The following BLTP3A variants were observed in gnomAD, a reference collection of about 807,000 sequenced individuals.
BLTP3A encodes the protein ICBP90 binding protein 1.
chr6:34,792,319 G>T, the BLTP3A span: 1 of 1,535,256 alleles, frequency 6.5e-7, no homozygotes, highest in Non-Finnish European at 8.8e-7. Context: ...GCCGGCCCCC[G>T]GCGGTCCTGG....
At chr6:34,799,640 C>T in the BLTP3A span, among the ~76,000 whole-genome samples, 1 of 152,150 alleles carries the variant, frequency 6.6e-6, no homozygotes, top group African/African-American at 2.4e-5. Context: ...GCAGAAAGAA[C>T]CAGGCTTTGG....
chr6:34,836,188 C>G, the BLTP3A span: 1 of 1,614,162 alleles, frequency 6.2e-7, no homozygotes, highest in Non-Finnish European at 8.5e-7. Flanking sequence ...CCCAGCAGTC[C>G]TGGGCCCAGG....
the BLTP3A span, among the ~76,000 whole-genome samples, chr6:34,800,819 C>T: frequency 7.3e-6 from 1 of 136,660 alleles, no homozygotes; most frequent in Admixed American, 7.1e-5. Context: ...CCTCCGCCTC[C>T]CAGGTGCAAG....
chr6:34,805,569 G>T, the BLTP3A span, among the ~76,000 whole-genome samples: 1 of 148,794 alleles, frequency 6.7e-6, no homozygotes, highest in South Asian at 2.1e-4. Flanking sequence ...CCCCAGGCTG[G>T]GCAGCAGAAG....
chr6:34,850,090 C>A, the BLTP3A span, among the ~76,000 whole-genome samples: 1 of 140,940 alleles, frequency 7.1e-6, no homozygotes, highest in South Asian at 2.1e-4. Flanking sequence ...TTGTGGTGAG[C>A]CAAGATCGTG....
chr6:34,871,549 T>TGGGG, the BLTP3A span: 3 of 1,597,560 alleles, frequency 1.9e-6, no homozygotes, highest in African/African-American at 4.0e-5. Context: ...TCTGAGCTGG[T>TGGGG]GGGGGGCATC....
the BLTP3A span, chr6:34,821,422 T>G: frequency 8.9e-6 from 3 of 337,416 alleles, no homozygotes; most frequent in Non-Finnish European, 1.1e-5. Context: ...GTAGAGATGG[T>G]GTGGTCTGAG....
chr6:34,795,758 G>A, the BLTP3A span, among the ~76,000 whole-genome samples: 1 of 152,062 alleles, frequency 6.6e-6, no homozygotes, highest in Non-Finnish European at 1.5e-5. Context: ...ATTCCTTGGC[G>A]AACACAGTGC....
the BLTP3A span, chr6:34,823,327 T>C: frequency 1.9e-6 from 3 of 1,613,986 alleles, no homozygotes. Context: ...CAGTCTCCCA[T>C]TGCCCTTGCT....
At chr6:34,808,295 G>A in the BLTP3A span, among the ~76,000 whole-genome samples, 4 of 129,198 alleles carry the variant, frequency 3.1e-5, no homozygotes, top group African/African-American at 9.3e-5. Flanking sequence ...GCAGTGAGTC[G>A]AGATCGCTCC....
chr6:34,858,495 C>G, the BLTP3A span: 1 of 1,614,162 alleles, frequency 6.2e-7, no homozygotes, highest in Non-Finnish European at 8.5e-7. Context: ...ACTTCAAAGG[C>G]CATACCTTGA....
At chr6:34,859,426 A>G in the BLTP3A span, 416 of 1,614,194 alleles carry the variant, frequency 2.6e-4, 3 homozygotes, top group South Asian at 8.7e-4. Flanking sequence ...TGCTATTCAC[A>G]TGACCAAGGA....
chr6:34,811,951 C>T, the BLTP3A span, among the ~76,000 whole-genome samples: 31 of 152,036 alleles, frequency 2.0e-4, no homozygotes, highest in Middle Eastern at 3.4e-3. Flanking sequence ...CACTTGAGCT[C>T]AGGAGGTTGA....
At chr6:34,798,938 A>G in the BLTP3A span, among the ~76,000 whole-genome samples, 2 of 151,664 alleles carry the variant, frequency 1.3e-5, no homozygotes, top group Admixed American at 6.6e-5. Context: ...GCTACCCTGG[A>G]TTTTATTTGT....
At chr6:34,845,876 C>T in the BLTP3A span, among the ~76,000 whole-genome samples, 19 of 151,974 alleles carry the variant, frequency 1.3e-4, no homozygotes, top group African/African-American at 3.9e-4. Flanking sequence ...GGATTACAGG[C>T]GTGAGCCACC....
the BLTP3A span, among the ~76,000 whole-genome samples, chr6:34,794,914 AG>A: frequency 1.3e-5 from 2 of 151,560 alleles, no homozygotes; most frequent in Non-Finnish European, 2.9e-5. Flanking sequence ...CCTCCTGAGT[AG>A]CTGGGACTAC....
the BLTP3A span, chr6:34,859,350 G>T: frequency 6.2e-7 from 1 of 1,614,132 alleles, no homozygotes; most frequent in Non-Finnish European, 8.5e-7. Flanking sequence ...CAGCTGGCAG[G>T]GAGACTGCTG....
the BLTP3A span, chr6:34,859,382 T>G: frequency 6.2e-7 from 1 of 1,614,074 alleles, no homozygotes; most frequent in Non-Finnish European, 8.5e-7. Context: ...GGTGAGCTCA[T>G]CCCCTTGAAG....
chr6:34,863,687 A>G, the BLTP3A span, among the ~76,000 whole-genome samples: 4 of 152,360 alleles, frequency 2.6e-5, no homozygotes, highest in South Asian at 2.1e-4. Flanking sequence ...GGTGCCATTC[A>G]TCAGCACCAG....
Sources: allele counts gnomAD v4.1 joint callset (sites outside exome capture counted in the v4.1 genomes callset), GRCh38; gene constraint gnomAD v4.1.1; transcripts MANE v1.5; gene names NCBI Gene and HGNC (gene_info 2026-07-23, HGNC 2026-07-21).